The following NT5DC1 variants were observed in gnomAD, a reference collection of about 807,000 sequenced individuals.
NT5DC1 encodes 5'-nucleotidase domain containing 1.
Under a neutral mutation model 59.4 loss-of-function variants are expected in NT5DC1, and 42 were observed. That is an observed-to-expected ratio of 0.71 (90% CI 0.55 to 0.92). The LOEUF (loss-of-function observed/expected upper bound fraction) is 0.92, where lower values mean the gene tolerates loss of function less well. Among genes scored for constraint, NT5DC1 ranks in the 40% least tolerant of loss-of-function variants. The pLI, the probability that NT5DC1 is intolerant of heterozygous loss-of-function variation, is 0.00. For synonymous variants in NT5DC1, 172 were observed against 188.1 expected (o/e 0.91, Z 0.70); for missense variants, 501 against 537.1 (o/e 0.93, Z 0.66).
At chr6:116,113,752 G>C (rs17077574) in intron 4 of NT5DC1, among the ~76,000 whole-genome samples, 7,126 of 152,228 alleles carry the variant, frequency 0.047, 304 homozygotes, top group Admixed American at 0.14. Context: ...AAAATCAATA[G>C]TTCAACTCTT....
chr6:116,161,160 G>A (rs1391487098), intron 6 of NT5DC1, among the ~76,000 whole-genome samples: 4 of 136,980 alleles, frequency 2.9e-5, no homozygotes, highest in African/African-American at 8.2e-5. Context: ...ATGGACACAG[G>A]AAGGGGAACA....
At chr6:116,226,658 T>C (rs960480056) in intron 8 of NT5DC1, among the ~76,000 whole-genome samples, 4 of 152,094 alleles carry the variant, frequency 2.6e-5, no homozygotes, top group Non-Finnish European at 1.5e-5. Flanking sequence ...TTTTTAAATA[T>C]TATACTCATC....
intron 6 of NT5DC1, among the ~76,000 whole-genome samples, chr6:116,210,174 A>T (rs903119389): frequency 6.6e-6 from 1 of 151,998 alleles, no homozygotes; most frequent in African/African-American, 2.4e-5. Flanking sequence ...TGGTGTTTCA[A>T]TTTTCCTTTA....
intron 8 of NT5DC1, among the ~76,000 whole-genome samples, chr6:116,233,930 A>AT (rs911463972): frequency 7.4e-6 from 1 of 134,628 alleles, no homozygotes; most frequent in Admixed American, 7.4e-5. Flanking sequence ...TGTCTTCTTT[A>AT]TTTTTTTCTA....
intron 3 of NT5DC1, among the ~76,000 whole-genome samples, chr6:116,109,739 A>G (rs1778836107): frequency 6.6e-6 from 1 of 152,168 alleles, no homozygotes; most frequent in Admixed American, 6.5e-5. Flanking sequence ...AAAGGAGCCC[A>G]TTTGTGATTT....
At chr6:116,234,683 A>G (rs1782082578) in intron 8 of NT5DC1, among the ~76,000 whole-genome samples, 1 of 152,112 alleles carries the variant, frequency 6.6e-6, no homozygotes, top group Non-Finnish European at 1.5e-5. Flanking sequence ...TTAGGTAACT[A>G]TTTTTGATTG....
At chr6:116,147,067 A>G (rs1278248983) in intron 6 of NT5DC1, among the ~76,000 whole-genome samples, 1 of 151,398 alleles carries the variant, frequency 6.6e-6, no homozygotes, top group Non-Finnish European at 1.5e-5. Context: ...ACCCAGAACT[A>G]TAAAAGAAAA....
intron 8 of NT5DC1, among the ~76,000 whole-genome samples, chr6:116,233,320 C>G (rs1308047844): frequency 2.6e-5 from 4 of 152,114 alleles, no homozygotes; most frequent in Non-Finnish European, 1.5e-5. Context: ...AAATTCAGTT[C>G]AAAGGGCATT....
intron 8 of NT5DC1, among the ~76,000 whole-genome samples, chr6:116,228,001 C>T (rs1005824281): frequency 1.3e-5 from 2 of 152,022 alleles, no homozygotes; most frequent in African/African-American, 4.8e-5. Flanking sequence ...GTTGTCTGTG[C>T]ATTTCGGGAT....
At position 116,176,080 on chromosome 6, in the gene NT5DC1, C is replaced by T. The variant is rs564795336; in HGVS notation, c.530-44974C>T. On this transcript the variant is annotated intron_variant, in intron 6 of 11. Transcript: ENST00000319550. ...CAAAATGGACTTGCCTCTTCTACTA[C>T]GCTGTAATTGTGTGAGGTTGAATCA... Among the ~76,000 whole-genome samples the T allele has an allele frequency of 2.4e-4, 36 of 152,264 alleles. 1 individual carries two copies. The highest frequency in any genetic ancestry group is 3.4e-3 in the Middle Eastern group (1 of 294).
chr6:116,194,981 T>C (rs1181359535), intron 6 of NT5DC1, among the ~76,000 whole-genome samples: 1 of 152,112 alleles, frequency 6.6e-6, no homozygotes, highest in Non-Finnish European at 1.5e-5. Flanking sequence ...TATACAGTGA[T>C]TATTCAAACC....
chr6:116,112,732 A>G (rs1450330563), intron 4 of NT5DC1, among the ~76,000 whole-genome samples: 6 of 152,340 alleles, frequency 3.9e-5, no homozygotes, highest in East Asian at 1.9e-4. Flanking sequence ...TCATGAATGT[A>G]TATTTTGCAC....
intron 6 of NT5DC1, among the ~76,000 whole-genome samples, chr6:116,178,605 T>C (rs575988797): frequency 6.6e-6 from 1 of 152,374 alleles, no homozygotes; most frequent in Admixed American, 6.5e-5. Context: ...CACCTTTTAC[T>C]CTGAAGAATG....
chr6:116,136,478 AAAG>A (rs1779606410), intron 6 of NT5DC1, among the ~76,000 whole-genome samples: 5 of 152,104 alleles, frequency 3.3e-5, no homozygotes, highest in Middle Eastern at 3.4e-3. Context: ...GTTTTTTTTA[AAAG>A]AAGAAAATGA....
chr6:116,213,232 T>A (rs1374117581), intron 6 of NT5DC1, among the ~76,000 whole-genome samples: 1 of 152,098 alleles, frequency 6.6e-6, no homozygotes, highest in East Asian at 1.9e-4. Context: ...ACAGTAGTCT[T>A]CTGAAGGCAT....
chr6:116,242,384 A>G (rs1204822), intron 11 of NT5DC1, among the ~76,000 whole-genome samples: 113,378 of 151,940 alleles, frequency 0.75, 43,687 homozygotes, highest in East Asian at 1. Flanking sequence ...CCCAATTATA[A>G]GTTGTTTATA....
Position 116,247,627 on chromosome 6 carries a change from A to G in NT5DC1, c.*3603A>G, listed in dbSNP as rs965830242. 40 of 152,228 alleles carry G rather than the reference A, an allele frequency of 2.6e-4. No homozygotes were observed. Among genetic ancestry groups the G allele is most frequent in the African/African-American group, 9.4e-4 (39 of 41,462 alleles). 9.4% of individuals were successfully genotyped at this position (152,228 alleles called of 1,614,324 possible). ...TGCTTGCCAATCAGTTTGTTGTACC[A>G]TGTACCTGTTCACAGACTCTTTTCA... On this transcript the variant is annotated 3_prime_UTR_variant, in exon 12 of 12. Coordinates refer to ENST00000319550, the MANE Select transcript of NT5DC1 (RefSeq NM_152729.3).
At chr6:116,237,675 T>C (rs1421757348) in intron 9 of NT5DC1, 3 of 339,490 alleles carry the variant, frequency 8.8e-6, no homozygotes, top group African/African-American at 4.3e-5. Context: ...CAGACTCCAT[T>C]GCCTCAGACT....
At chr6:116,137,504 G>C (rs1482548300) in intron 6 of NT5DC1, 1 of 203,730 alleles carries the variant, frequency 4.9e-6, no homozygotes, top group Non-Finnish European at 1.0e-5. Flanking sequence ...CTGGCAGCTA[G>C]AGATTCTCCC....
Sources: gnomAD v4.1 joint callset for allele counts (sites outside exome capture counted in the v4.1 genomes callset) on GRCh38, gnomAD v4.1.1 for gene constraint, MANE v1.5 for transcripts, NCBI Gene and HGNC (gene_info 2026-07-23, HGNC 2026-07-21) for gene names.